The following ENOPH1 variants were observed in gnomAD, a reference collection of about 807,000 sequenced individuals.
ENOPH1 encodes the protein enolase-phosphatase 1.
A neutral mutation model predicts 31.1 loss-of-function variants in ENOPH1; 14 were observed. The observed-to-expected ratio is 0.45, with a 90% CI of 0.30 to 0.70. The LOEUF is 0.70. Ranked by LOEUF, ENOPH1 falls within the 30% of genes least tolerant of loss-of-function variation. The probability of loss-of-function intolerance (pLI) is 0.09; values close to 1 mark genes in which losing one functional copy is unlikely to be tolerated. For missense variants in ENOPH1, 243 were observed against 321.5 expected, an observed-to-expected ratio of 0.76 and a Z score of 1.87; for synonymous variants, 127 against 123.2, an observed-to-expected ratio of 1.03 and a Z score of -0.21.
At chr4:82,449,006 C>T (rs1279412914) in intron 2 of ENOPH1, among the ~76,000 whole-genome samples, 2 of 147,174 alleles carry the variant, frequency 1.4e-5, no homozygotes, top group Non-Finnish European at 3.0e-5. Context: ...TGCAGTGAGC[C>T]GAGATCCCGC....
intron 1 of ENOPH1, among the ~76,000 whole-genome samples, chr4:82,443,355 CTG>C (rs1722090878): frequency 2.0e-5 from 3 of 149,604 alleles, no homozygotes; most frequent in South Asian, 4.3e-4. Context: ...GGAGGATCAC[CTG>C]AGCCCAGGAG....
chr4:82,448,344 C>G (rs1722253147), intron 2 of ENOPH1, among the ~76,000 whole-genome samples: 1 of 151,564 alleles, frequency 6.6e-6, no homozygotes, highest in Non-Finnish European at 1.5e-5. Flanking sequence ...TCACTGCAAC[C>G]TCGCTTACTG....
In ENOPH1 at chr4:82,448,283, A is replaced by G. The variant is rs1722251628; in HGVS notation, c.186+262A>G. Among the ~76,000 whole-genome samples the G allele has an allele frequency of 2.7e-5, 4 of 147,130 alleles. 1 individual carries two copies. In the South Asian group the frequency reaches 8.6e-4, roughly 31 times the overall value. The stretch of plus-strand genomic sequence containing the variant: ...TTTGTTTTTTTTGTTTTTTTTTGAG[A>G]TGGAGTCTCACTTCGTTGCCCAGGC... On this transcript the variant is annotated intron_variant, in intron 2 of 5. Coordinates refer to ENST00000273920, the MANE Select transcript of ENOPH1 (RefSeq NM_021204.5).
At chr4:82,434,711 C>CT (rs1426520676) in intron 1 of ENOPH1, among the ~76,000 whole-genome samples, 1 of 150,028 alleles carries the variant, frequency 6.7e-6, no homozygotes, top group Non-Finnish European at 1.5e-5. Flanking sequence ...AAGACGCTGT[C>CT]TCAAAAAAAG....
chr4:82,455,717 C>T (rs565954575), intron 4 of ENOPH1, among the ~76,000 whole-genome samples: 2 of 151,696 alleles, frequency 1.3e-5, no homozygotes, highest in Admixed American at 6.6e-5. Flanking sequence ...ACCCAGGAGG[C>T]GGAGCTTACA....
chr4:82,449,601 A>G (rs1399688597), intron 2 of ENOPH1, among the ~76,000 whole-genome samples: 1 of 152,168 alleles, frequency 6.6e-6, no homozygotes, highest in African/African-American at 2.4e-5. Context: ...GGTGCTAAAC[A>G]AACCATTCAC....
chr4:82,436,206 A>G (rs567525686), intron 1 of ENOPH1, among the ~76,000 whole-genome samples: 1 of 152,222 alleles, frequency 6.6e-6, no homozygotes, highest in South Asian at 2.1e-4. Context: ...AAGCACTGGA[A>G]TGGCAGATAA....
chr4:82,433,943 G>T (rs558274689), intron 1 of ENOPH1, among the ~76,000 whole-genome samples: 2 of 152,192 alleles, frequency 1.3e-5, no homozygotes, highest in Non-Finnish European at 2.9e-5. Flanking sequence ...CAGAGTAGGT[G>T]TGTGAACTTG....
intron 4 of ENOPH1, among the ~76,000 whole-genome samples, chr4:82,456,090 G>A (rs1440469579): frequency 6.6e-6 from 1 of 150,748 alleles, no homozygotes; most frequent in East Asian, 1.9e-4. Context: ...ATCATGACAG[G>A]ACAAAAGTAC....
chr4:82,459,477 G>A (rs1722583946), intron 5 of ENOPH1, among the ~76,000 whole-genome samples: 3 of 152,100 alleles, frequency 2.0e-5, no homozygotes, highest in African/African-American at 7.2e-5. Context: ...TTGTTTTGTA[G>A]AGATAGAGTT....
intron 1 of ENOPH1, among the ~76,000 whole-genome samples, chr4:82,434,775 C>T (rs566154755): frequency 5.3e-5 from 8 of 151,756 alleles, no homozygotes; most frequent in East Asian, 3.9e-4. Flanking sequence ...GGCATGGTGG[C>T]GCACACCTGT....
chr4:82,455,419 T>G (rs998831527), intron 4 of ENOPH1, among the ~76,000 whole-genome samples: 7 of 152,290 alleles, frequency 4.6e-5, no homozygotes, highest in African/African-American at 1.7e-4. Context: ...AATAGGTAAC[T>G]TGGAATATAG....
intron 1 of ENOPH1, among the ~76,000 whole-genome samples, chr4:82,443,649 A>AC (rs1722100597): frequency 6.8e-6 from 1 of 147,694 alleles, no homozygotes; most frequent in African/African-American, 2.5e-5. Context: ...AATGGCATGA[A>AC]CCCAGCAGGT....
At chr4:82,435,134 C>G (rs1489073911) in intron 1 of ENOPH1, among the ~76,000 whole-genome samples, 1 of 152,142 alleles carries the variant, frequency 6.6e-6, no homozygotes, top group Non-Finnish European at 1.5e-5. Flanking sequence ...CAGGGTCAGG[C>G]TGTGTCACCC....
chr4:82,448,260 TG>T (rs138985202), intron 2 of ENOPH1, among the ~76,000 whole-genome samples: 2,975 of 132,810 alleles, frequency 0.022, 101 homozygotes, highest in African/African-American at 0.071. Context: ...TGTTTTGTTT[TG>T]TTTTTTTTGT....
At chr4:82,458,653 C>T (rs1476538759) in intron 5 of ENOPH1, among the ~76,000 whole-genome samples, 1 of 152,220 alleles carries the variant, frequency 6.6e-6, no homozygotes, top group Admixed American at 6.5e-5. Context: ...GAATATGGAA[C>T]GGCCACTTGT....
rs1262095034 is a variant in ENOPH1, at chr4:82,460,383, T to C, written c.*263T>C. ...ACTCTAACCCTTAGTGAGGGCAAAGTGTAGTTGGTAGAAGAAATTGCTAAA... is the reference window on the plus strand; with the variant it reads ...ACTCTAACCCTTAGTGAGGGCAAAGCGTAGTTGGTAGAAGAAATTGCTAAA... On this transcript the variant is annotated 3_prime_UTR_variant, in exon 6 of 6. Transcript: ENST00000273920. 2.4e-5 allele frequency: 7 copies of C among 289,328 alleles called. No homozygotes were observed. Among genetic ancestry groups the C allele is most frequent in the African/African-American group, 1.5e-4 (7 of 46,078 alleles). 17.9% of individuals were successfully genotyped at this position (289,328 alleles called of 1,614,324 possible).
At chr4:82,439,828 G>A (rs1465022469) in intron 1 of ENOPH1, among the ~76,000 whole-genome samples, 2 of 152,186 alleles carry the variant, frequency 1.3e-5, no homozygotes, top group African/African-American at 4.8e-5. Context: ...TTGGTTGGAT[G>A]TGGAGTTTGA....
At chr4:82,439,583 A>G (rs1721991200) in intron 1 of ENOPH1, among the ~76,000 whole-genome samples, 1 of 152,230 alleles carries the variant, frequency 6.6e-6, no homozygotes, top group African/African-American at 2.4e-5. Context: ...TATAAACTCA[A>G]AAAGAAAGAC....
Sources: allele counts gnomAD v4.1 joint callset (sites outside exome capture counted in the v4.1 genomes callset), GRCh38; gene constraint gnomAD v4.1.1; transcripts MANE v1.5; gene names NCBI Gene and HGNC (gene_info 2026-07-23, HGNC 2026-07-21).